PPL: variants seen among roughly 807,000 people sequenced by gnomAD.
PPL encodes 190 kDa paraneoplastic pemphigus antigen.
In PPL, 198 loss-of-function variants were observed where a neutral mutation model predicts 194.4. The ratio of observed to expected loss-of-function variants is 1.02; its 90% confidence interval spans 0.91 to 1.15. PPL has a LOEUF of 1.15. Ranked by LOEUF, PPL falls within the 50% of genes most tolerant of loss-of-function variation. The pLI is 0.00. For missense variants in PPL, 2,885 were observed against 2,294.8 expected, an observed-to-expected ratio of 1.26 and a Z score of -5.25; for synonymous variants, 1,220 against 972.4, an observed-to-expected ratio of 1.25 and a Z score of -4.74.
At chr16:4,887,684 C>T (rs1169383075) in intron 20 of PPL, among the ~76,000 whole-genome samples, 4 of 152,140 alleles carry the variant, frequency 2.6e-5, no homozygotes, top group African/African-American at 7.2e-5. Context: ...CTCACTGCAG[C>T]CTTGAACTCC....
At position 4,915,591 on chromosome 16, in the gene PPL, G is replaced by A. The variant is rs147148991; in HGVS notation, c.63-4642C>T. On this transcript the variant is annotated intron_variant, in intron 1 of 21. Coordinates refer to ENST00000345988, the MANE Select transcript of PPL (RefSeq NM_002705.5). Reference sequence around the variant, plus strand: ...CTCAGGGTCACACAGCTGGTGAACCGCGATTCTCCCCGCAAGCAATCTCAC... The same window carrying A: ...CTCAGGGTCACACAGCTGGTGAACCACGATTCTCCCCGCAAGCAATCTCAC... 1.2e-3 allele frequency among the ~76,000 whole-genome samples: 179 copies of A among 152,320 alleles called. 1 individual carries two copies. Among genetic ancestry groups the A allele is most frequent in the African/African-American group, 4.1e-3 (169 of 41,576 alleles).
At chr16:4,890,078 T>C in intron 18 of PPL, 106 bp downstream of exon 18, 1 of 1,527,418 alleles carries the variant, frequency 6.5e-7, no homozygotes, top group Non-Finnish European at 9.0e-7. Flanking sequence ...GGCAGGCCTC[T>C]GCCCTGCTCC....
In PPL at chr16:4,885,755, A is replaced by G. The variant is rs1235719719; in HGVS notation, c.2900T>C (p.Leu967Pro). Reference protein sequence around the residue: ...LAEEQHKNQLLQEELEALQLQ... With the variant: ...LAEEQHKNQLPQEELEALQLQ... Reference sequence around the variant, plus strand: ...CTGCAGTGCCTCCAGCTCCTCCTGCAGCAGCTGGTTCTTGTGCTGCTCCTC... The same window carrying G: ...CTGCAGTGCCTCCAGCTCCTCCTGCGGCAGCTGGTTCTTGTGCTGCTCCTC... The change falls in exon 22 of 22, where the codon CTG (leucine) becomes CCG (proline). Residue 967 changes from leucine to proline, a missense_variant. By Grantham distance (98) the Leu-to-Pro change is moderately conservative (BLOSUM62 -3). Coordinates refer to ENST00000345988, the MANE Select transcript of PPL (RefSeq NM_002705.5). The surrounding 1 kb of genome is among the most constrained non-coding windows in gnomAD (Gnocchi z 6.3). 1 of 1,612,366 alleles carries G rather than the reference A, an allele frequency of 6.2e-7. No individual in the cohort carries two copies. Among genetic ancestry groups the G allele is most frequent in the Non-Finnish European group, 8.5e-7 (1 of 1,179,984 alleles).
intron 2 of PPL, among the ~76,000 whole-genome samples, chr16:4,910,057 G>T (rs1226447360): frequency 1.3e-5 from 2 of 152,156 alleles, no homozygotes. Context: ...CACCGGGCTG[G>T]CGCTGGTGGA....
chr16:4,935,333 A>G (rs1387869042), intron 1 of PPL, among the ~76,000 whole-genome samples: 3 of 152,150 alleles, frequency 2.0e-5, no homozygotes, highest in Non-Finnish European at 4.4e-5. Context: ...GGGCGGGGCG[A>G]GGCCTGGCCC....
intron 1 of PPL, among the ~76,000 whole-genome samples, chr16:4,923,689 G>C (rs199919432): frequency 2.6e-5 from 4 of 152,224 alleles, no homozygotes; most frequent in African/African-American, 9.6e-5. Context: ...GGCTCGGGCA[G>C]ATTCCTTAGT....
chr16:4,887,312 T>C, intron 20 of PPL, 85 bp from the exon 21 acceptor site: 1 of 1,022,514 alleles, frequency 9.8e-7, no homozygotes, highest in Non-Finnish European at 1.5e-6. Flanking sequence ...TGGACGTGGT[T>C]CTTGAGAAGT....
At chr16:4,896,823 T>TG (rs906407248) in intron 9 of PPL, among the ~76,000 whole-genome samples, 9 of 151,582 alleles carry the variant, frequency 5.9e-5, no homozygotes, top group African/African-American at 2.2e-4. Flanking sequence ...TTAGTAGAGA[T>TG]GGGGTTTCAT....
rs2088247194 is a variant in PPL, at chr16:4,888,104, C to T, written c.2512G>A (p.Glu838Lys). ...GCCGCCTGGCCCATGGAACTCACCT[C>T]TTCCTTCACTTTGGTGGCAGGAGAT... ...LQSPATKVKE[E>K]EAALAAKFTE... The change falls in exon 20 of 22, where the codon GAG becomes AAG. Residue 838 changes from glutamate (E) to lysine (K), a missense_variant and splice_region_variant. Coordinates refer to ENST00000345988, the MANE Select transcript of PPL (RefSeq NM_002705.5). The T allele has an allele frequency of 1.2e-6, 2 of 1,611,586 alleles. No homozygotes were observed. Among genetic ancestry groups the T allele is most frequent in the Admixed American group, 1.7e-5 (1 of 60,000 alleles).
chr16:4,888,921 G>C, intron 19 of PPL, 57 bp downstream of exon 19: 1 of 1,536,072 alleles, frequency 6.5e-7, no homozygotes, highest in Non-Finnish European at 9.0e-7. Flanking sequence ...TCTGACCAGG[G>C]CACGGTGGAA....
At chr16:4,936,033 C>A (rs1189802385) in intron 1 of PPL, among the ~76,000 whole-genome samples, 1 of 152,182 alleles carries the variant, frequency 6.6e-6, no homozygotes, top group Non-Finnish European at 1.5e-5. Flanking sequence ...GGATTCCCAC[C>A]CCCTCCGTCA....
At chr16:4,905,960 T>G (rs2088673572) in intron 2 of PPL, among the ~76,000 whole-genome samples, 1 of 152,042 alleles carries the variant, frequency 6.6e-6, no homozygotes, top group South Asian at 2.1e-4. Flanking sequence ...TTTTAAAAGG[T>G]AGCTGGGTGT....
intron 12 of PPL, chr16:4,893,914 A>C: frequency 1.9e-6 from 1 of 513,106 alleles, no homozygotes; most frequent in South Asian, 2.9e-5. Context: ...GAGCATACAC[A>C]GTAGGTGCTC....
intron 1 of PPL, among the ~76,000 whole-genome samples, chr16:4,911,591 G>C (rs2088821765): frequency 6.6e-6 from 1 of 152,136 alleles, no homozygotes; most frequent in Non-Finnish European, 1.5e-5. Context: ...CTGGGGTGTA[G>C]CGGCACAGTC....
intron 1 of PPL, among the ~76,000 whole-genome samples, chr16:4,935,378 G>C (rs2089283247): frequency 6.6e-6 from 1 of 152,162 alleles, no homozygotes; most frequent in Non-Finnish European, 1.5e-5. Context: ...ATGTGTGAAG[G>C]ACTGGATGGG....
rs200904159 is a variant in PPL, at chr16:4,884,201, C to T, written c.4454G>A (p.Arg1485Lys). The stretch of plus-strand genomic sequence containing the variant: ...CGCCTTCTCCAGTGCAGCCAGTTTC[C>T]TCCGGAGGGTCTCGAGCTCCCCCTC... Reference protein sequence around the residue: ...LLEGELETLRRKLAALEKAEV... With the variant: ...LLEGELETLRKKLAALEKAEV... The change falls in exon 22 of 22, where the codon AGG (arginine) becomes AAG (lysine). Residue 1485 changes from arginine to lysine, a missense_variant. Arg to Lys is a conservative substitution (Grantham distance 26). Transcript: ENST00000345988. The surrounding 1 kb of genome is among the most constrained non-coding windows in gnomAD (Gnocchi z 5.7). 2.5e-6 allele frequency: 4 copies of T among 1,613,988 alleles called. No individual in the cohort carries two copies. The highest frequency in any genetic ancestry group is 2.5e-6 in the Non-Finnish European group (3 of 1,179,988).
At chr16:4,920,333 A>AGAG (rs2089017282) in intron 1 of PPL, among the ~76,000 whole-genome samples, 2 of 73,660 alleles carry the variant, frequency 2.7e-5, no homozygotes, top group Non-Finnish European at 7.6e-5. Flanking sequence ...GAAAGAAAGA[A>AGAG]AGAGAGAGAG....
Position 4,911,047 on chromosome 16 carries a change from C to A in PPL, c.63-98G>T. 4 of 966,572 alleles carry A rather than the reference C, an allele frequency of 4.1e-6. No individual in the cohort carries two copies. The Admixed American group carries it at 6.1e-5, about 15-fold the overall frequency. The allele number at this position is 966,572 out of a possible 1,614,324, so 59.9% of individuals were successfully genotyped here. On this transcript the variant is annotated intron_variant, in intron 1 of 21. Coordinates refer to ENST00000345988, the MANE Select transcript of PPL (RefSeq NM_002705.5). ...TCCTCTGGCTGGCCCCGGCCCCACGCTCTGAGCAGGAGCTGCCCACAGAGC... is the reference window on the plus strand; with the variant it reads ...TCCTCTGGCTGGCCCCGGCCCCACGATCTGAGCAGGAGCTGCCCACAGAGC...
Position 4,897,842 on chromosome 16 carries a change from A to T in PPL, c.877-72T>A, listed in dbSNP as rs1056699083. The T allele has an allele frequency of 5.4e-6, 7 of 1,293,216 alleles. No homozygotes were observed. The African/African-American group carries it at 8.7e-5, about 16-fold the overall frequency. The allele number at this position is 1,293,216 out of a possible 1,614,324, so 80.1% of individuals were successfully genotyped here. A position where few individuals can be genotyped will look rare whatever the true frequency, so the allele number is the denominator to read the frequency against. On this transcript the variant is annotated intron_variant, in intron 8 of 21. Transcript: ENST00000345988. ...ACACCAAGGGAGGGACTGCTGGGAT[A>T]TTGGGCTGGGGCATGGCGGGGGAGG...
Sources: gnomAD v4.1 joint callset for allele counts (sites outside exome capture counted in the v4.1 genomes callset) on GRCh38, gnomAD v4.1.1 for gene constraint, Gnocchi (gnomAD v3.1) non-coding constraint, MANE v1.5 for transcripts, NCBI Gene and HGNC (gene_info 2026-07-23, HGNC 2026-07-21) for gene names.